Variants in SGCZ observed in about 807,000 individuals in gnomAD.
SGCZ encodes the protein sarcoglycan zeta.
Under a neutral mutation model 41.3 loss-of-function variants are expected in SGCZ, and 40 were observed. The observed-to-expected ratio is 0.97, with a 90% CI of 0.75 to 1.26. The LOEUF (loss-of-function observed/expected upper bound fraction) is 1.26. SGCZ is among the 50% of genes most tolerant of loss of function. SGCZ has a pLI of 0.00. For synonymous variants in SGCZ, 206 were observed against 137.5 expected, an observed-to-expected ratio of 1.50 and a Z score of -3.49; for missense variants, 552 against 369.8, an observed-to-expected ratio of 1.49 and a Z score of -4.04.
intron 3 of SGCZ, chr8:14,309,443 T>A (rs1043120520): frequency 6.2e-7 from 1 of 1,606,434 alleles, no homozygotes; most frequent in African/African-American, 1.3e-5. Flanking sequence ...TGGACAATCT[T>A]CTGATGACTG....
At chr8:14,944,108 A>T (rs1377635917) in intron 1 of SGCZ, among the ~76,000 whole-genome samples, 1 of 152,078 alleles carries the variant, frequency 6.6e-6, no homozygotes, top group Non-Finnish European at 1.5e-5. Flanking sequence ...TCAACGTCTA[A>T]CTTAGCCATC....
intron 3 of SGCZ, among the ~76,000 whole-genome samples, chr8:14,287,054 T>C (rs1183582756): frequency 6.6e-6 from 1 of 151,974 alleles, no homozygotes; most frequent in African/African-American, 2.4e-5. Context: ...CCTATTTCTC[T>C]AATAGAGTAT....
intron 3 of SGCZ, among the ~76,000 whole-genome samples, chr8:14,280,388 A>T (rs1353141906): frequency 6.6e-6 from 1 of 151,934 alleles, no homozygotes; most frequent in Non-Finnish European, 1.5e-5. Context: ...ACCTCAAGGT[A>T]GGCTTTTATT....
At chr8:15,144,689 C>G (rs1798990690) in intron 1 of SGCZ, among the ~76,000 whole-genome samples, 1 of 152,202 alleles carries the variant, frequency 6.6e-6, no homozygotes, top group Non-Finnish European at 1.5e-5. Flanking sequence ...CTCCCGACCT[C>G]AGGTGGTCTG....
At chr8:14,196,583 C>T (rs896273157) in intron 4 of SGCZ, among the ~76,000 whole-genome samples, 2 of 152,074 alleles carry the variant, frequency 1.3e-5, no homozygotes, top group African/African-American at 4.8e-5. Flanking sequence ...CTAATTTGTA[C>T]ATTGGTGTTT....
At chr8:15,015,673 G>A (rs1261958773) in intron 1 of SGCZ, among the ~76,000 whole-genome samples, 2 of 124,212 alleles carry the variant, frequency 1.6e-5, no homozygotes, top group African/African-American at 6.1e-5. Context: ...AGGCAACAGA[G>A]AGAGACTCCA....
Position 14,149,652 on chromosome 8 carries a change from A to G in SGCZ, c.547+14928T>C, listed in dbSNP as rs1585179962. On this transcript the variant is annotated intron_variant, in intron 5 of 7. Coordinates refer to ENST00000382080, the MANE Select transcript of SGCZ (RefSeq NM_139167.4). ...TATCAAAATACCAGTGACTTTCTTC[A>G]TAGGAAAAAAAAAAAAAACACAATC... Among the ~76,000 whole-genome samples the G allele has an allele frequency of 2.0e-4, 5 of 25,126 alleles. No individual in the cohort carries two copies. In the South Asian group the frequency reaches 0.014, roughly 70 times the overall value. 16.5% of individuals were successfully genotyped at this position (25,126 alleles called of 152,430 possible). A position where few individuals can be genotyped will look rare whatever the true frequency, so the allele number is the denominator to read the frequency against.
Position 14,895,339 on chromosome 8 carries a change from C to T in SGCZ, c.40-340413G>A, listed in dbSNP as rs552015001. ...GCCAAAATTGAATAGCTGTGAAGAT[C>T]GAATGAGTTAAATAATTAAAGTAAC... is the stretch of plus-strand genomic sequence containing the variant. On this transcript the variant is annotated intron_variant, in intron 1 of 7. Coordinates refer to ENST00000382080, the MANE Select transcript of SGCZ (RefSeq NM_139167.4). Among the ~76,000 whole-genome samples the T allele has an allele frequency of 3.1e-4, 47 of 151,984 alleles. 2 individuals carry two copies. Among genetic ancestry groups the T allele is most frequent in the African/African-American group, 1.1e-3 (45 of 41,450 alleles).
chr8:15,209,359 G>C (rs1006176197), intron 1 of SGCZ, among the ~76,000 whole-genome samples: 3 of 151,320 alleles, frequency 2.0e-5, no homozygotes, highest in South Asian at 2.1e-4. Context: ...AAAAATTAAG[G>C]CTTCCGGAAT....
At chr8:15,088,692 C>G (rs1233278492) in intron 1 of SGCZ, among the ~76,000 whole-genome samples, 1 of 152,128 alleles carries the variant, frequency 6.6e-6, no homozygotes, top group East Asian at 1.9e-4. Flanking sequence ...CCCTTTCCCC[C>G]TGCACTTATA....
chr8:14,730,020 A>G (rs13266207), intron 1 of SGCZ, among the ~76,000 whole-genome samples: 44,518 of 152,024 alleles, frequency 0.29, 6,982 homozygotes, highest in East Asian at 0.42. Flanking sequence ...AGTGGGGCGG[A>G]GATTGCAGTG....
At chr8:14,967,329 T>C (rs1585420686) in intron 1 of SGCZ, among the ~76,000 whole-genome samples, 2 of 152,250 alleles carry the variant, frequency 1.3e-5, no homozygotes, top group East Asian at 1.9e-4. Context: ...TGGCGCTCCA[T>C]CTCTGGTCTA....
intron 1 of SGCZ, among the ~76,000 whole-genome samples, chr8:15,013,301 C>G (rs1317917116): frequency 1.3e-5 from 2 of 152,192 alleles, no homozygotes; most frequent in East Asian, 3.9e-4. Flanking sequence ...AGCCAACAGA[C>G]TGAAAATAAA....
At chr8:14,203,664 C>A (rs940624263) in intron 4 of SGCZ, among the ~76,000 whole-genome samples, 1 of 152,086 alleles carries the variant, frequency 6.6e-6, no homozygotes, top group Non-Finnish European at 1.5e-5. Flanking sequence ...GAGGTGAGCA[C>A]CACAATCCAT....
chr8:15,059,950 G>A (rs1392163818), intron 1 of SGCZ, among the ~76,000 whole-genome samples: 2 of 152,292 alleles, frequency 1.3e-5, no homozygotes, highest in Non-Finnish European at 2.9e-5. Context: ...CTGGCTCTGA[G>A]AGTCCCTGAA....
At chr8:14,604,038 G>A (rs996493925) in intron 1 of SGCZ, among the ~76,000 whole-genome samples, 1 of 151,782 alleles carries the variant, frequency 6.6e-6, no homozygotes. Context: ...CCCAACTAAA[G>A]CTCAACAATC....
chr8:14,922,289 G>C (rs561089570), intron 1 of SGCZ, among the ~76,000 whole-genome samples: 8 of 152,060 alleles, frequency 5.3e-5, no homozygotes, highest in Non-Finnish European at 8.8e-5. Context: ...AAATATATGT[G>C]ATACTGAAGG....
intron 1 of SGCZ, among the ~76,000 whole-genome samples, chr8:15,056,797 A>G (rs1804723060): frequency 6.6e-6 from 1 of 152,094 alleles, no homozygotes. Flanking sequence ...ACTGTGTAAG[A>G]TGTATTTTTT....
chr8:14,692,708 C>A (rs1808837354), intron 1 of SGCZ, among the ~76,000 whole-genome samples: 1 of 152,054 alleles, frequency 6.6e-6, no homozygotes, highest in Admixed American at 6.6e-5. Flanking sequence ...AAAAGTTCCA[C>A]CTAAATTATT....
Sources: gnomAD v4.1 joint callset for allele counts (sites outside exome capture counted in the v4.1 genomes callset) on GRCh38, gnomAD v4.1.1 for gene constraint, MANE v1.5 for transcripts, NCBI Gene and HGNC (gene_info 2026-07-23, HGNC 2026-07-21) for gene names.